TECTA: variants seen among roughly 807,000 people sequenced by gnomAD.
The protein encoded by TECTA is alpha-tectorin.
In TECTA, 128 loss-of-function variants were observed where a neutral mutation model predicts 216.8. The observed-to-expected ratio is 0.59, with a 90% CI of 0.51 to 0.68. The LOEUF is 0.68. Ranked by LOEUF, TECTA falls within the 30% of genes least tolerant of loss-of-function variation. The pLI, the probability that TECTA is intolerant of heterozygous loss-of-function variation, is 0.00. For synonymous variants in TECTA, 1,089 were observed against 1,117.1 expected, an observed-to-expected ratio of 0.97 and a Z score of 0.50; for missense variants, 2,551 against 2,786.2, an observed-to-expected ratio of 0.92 and a Z score of 1.90.
chr11:121,186,094 A>C (rs995294383), intron 20 of TECTA, among the ~76,000 whole-genome samples: 3 of 117,970 alleles, frequency 2.5e-5, no homozygotes, highest in African/African-American at 1.3e-4. Context: ...TCAATGCTTA[A>C]TGAATGAGTA....
intron 11 of TECTA, among the ~76,000 whole-genome samples, chr11:121,139,699 A>AAT (rs906904169): frequency 1.3e-5 from 2 of 152,034 alleles, no homozygotes; most frequent in Non-Finnish European, 2.9e-5. Flanking sequence ...CAAAAAAAAA[A>AAT]AAATAATGAA....
intron 6 of TECTA, among the ~76,000 whole-genome samples, chr11:121,117,336 TTG>T (rs567636245): frequency 2.8e-4 from 42 of 152,148 alleles, no homozygotes; most frequent in Non-Finnish European, 4.9e-4. Flanking sequence ...GATTGCAGAT[TTG>T]TGACTGCTGC....
intron 7 of TECTA, among the ~76,000 whole-genome samples, chr11:121,123,539 C>T (rs141264814): frequency 3.9e-5 from 6 of 152,334 alleles, no homozygotes; most frequent in South Asian, 4.1e-4. Context: ...AATTTCTTCA[C>T]GCTAGCCAGA....
chr11:121,109,249 G>A lies in TECTA; in HGVS notation c.237G>A (p.Val79=), dbSNP rs1293376139. Reference sequence around the variant, plus strand: ...GAGTTGTTTCCTTCAATGTGCTAGTGAGCCAGTTCACGCCAGAATCCTTTC... The same window carrying A: ...GAGTTGTTTCCTTCAATGTGCTAGTAAGCCAGTTCACGCCAGAATCCTTTC... The part of the protein sequence containing the change: ...NNGVVSFNVL[V]SQFTPESFPL... The change falls in exon 4 of 24, where the codon GTG becomes GTA. Residue 79 remains valine (V), a synonymous_variant. Transcript: ENST00000392793. The A allele has an allele frequency of 1.9e-6, 3 of 1,614,158 alleles. No individual in the cohort carries two copies. Among genetic ancestry groups the A allele is most frequent in the Non-Finnish European group, 2.5e-6 (3 of 1,180,016 alleles).
rs1946469660 is a variant in TECTA at position 121,113,832 on chromosome 11, T to C, written c.790+114T>C. 1 of 1,259,552 alleles carries C rather than the reference T, an allele frequency of 7.9e-7. No homozygotes were observed. Among genetic ancestry groups the C allele is most frequent in the Non-Finnish European group, 1.1e-6 (1 of 883,458 alleles). 78.0% of individuals were successfully genotyped at this position (1,259,552 alleles called of 1,614,324 possible). ...CCTGATGCCTTACTCTTTTGACATC[T>C]CTCCGCTGGGTAATGGAGATCAAGG... On this transcript the variant is annotated intron_variant, in intron 6 of 23. Transcript: ENST00000392793. This position sits in a 1 kb window ranked among gnomAD's most constrained non-coding sequence, Gnocchi z 4.2.
At chr11:121,175,451 C>A (rs991140612) in intron 20 of TECTA, among the ~76,000 whole-genome samples, 2 of 152,116 alleles carry the variant, frequency 1.3e-5, no homozygotes, top group Admixed American at 1.3e-4. Flanking sequence ...TCGTTTTGTA[C>A]CCATAGTCGT....
rs563226845 is a variant in TECTA, at chr11:121,132,387, G to A, written c.2941+2176G>A. On this transcript the variant is annotated intron_variant, in intron 10 of 23. Transcript: ENST00000392793. The stretch of plus-strand genomic sequence containing the variant: ...TCATTCGTTGCTTTCCACGAGGCAC[G>A]ATGTACTCCGGGCTCATCTTGTACT... Among the ~76,000 whole-genome samples, 8 of 152,318 alleles carry A rather than the reference G, an allele frequency of 5.3e-5. No individual in the cohort carries two copies. In the East Asian group the frequency reaches 1.3e-3, roughly 26 times the overall value.
chr11:121,187,608 A>G (rs976566361), intron 20 of TECTA, among the ~76,000 whole-genome samples: 2 of 152,322 alleles, frequency 1.3e-5, no homozygotes, highest in Middle Eastern at 6.8e-3. Context: ...CAGTTAGGAT[A>G]CTAATTCAAG....
At position 121,113,927 on chromosome 11, in the gene TECTA, G is replaced by T. The variant is rs1243773348; in HGVS notation, c.790+209G>T. Among the ~76,000 whole-genome samples, 1 of 152,172 alleles carries T rather than the reference G, an allele frequency of 6.6e-6. No individual in the cohort carries two copies. The highest frequency in any genetic ancestry group is 2.4e-5 in the African/African-American group (1 of 41,442). On this transcript the variant is annotated intron_variant, in intron 6 of 23. Coordinates refer to ENST00000392793, the MANE Select transcript of TECTA (RefSeq NM_005422.4). This position sits in a 1 kb window ranked among gnomAD's most constrained non-coding sequence, Gnocchi z 4.2. The stretch of plus-strand genomic sequence containing the variant: ...CATTCACTACCTTGTGGCTTTGGAA[G>T]TCCTTTTCTGGAGTGTGCACACAGT...
intron 20 of TECTA, among the ~76,000 whole-genome samples, chr11:121,181,450 A>AATAATTATTATTATTATTATTATTATT (rs139722330): frequency 6.7e-6 from 1 of 148,216 alleles, no homozygotes; most frequent in African/African-American, 2.5e-5. Flanking sequence ...GTTGCTGGAG[A>AATAATTATTATTATTATTATTATTATT]ATTATTATTA....
rs140608882 is a variant in TECTA, at chr11:121,187,994, C to T, written c.6162C>T (p.Ile2054=). The T allele has an allele frequency of 2.4e-4, 381 of 1,614,072 alleles. 2 individuals carry two copies. The highest frequency in any genetic ancestry group is 1.5e-3 in the South Asian group (140 of 91,076). Residue 2054 remains isoleucine (I), a splice_region_variant and synonymous_variant, in exon 21 of 24, where the codon ATC becomes ATT. Coordinates refer to ENST00000392793, the MANE Select transcript of TECTA (RefSeq NM_005422.4). ...LCDSEKYSCK[I]TCPHNSRIAT... is the part of the protein sequence containing the mutation. Reference sequence around the variant, plus strand: ...ACTCAGAAAAGTACTCCTGTAAAATCGTAAGTGAGAGTGTGAAAACAAAGT... The same window carrying T: ...ACTCAGAAAAGTACTCCTGTAAAATTGTAAGTGAGAGTGTGAAAACAAAGT...
At position 121,137,921 on chromosome 11, in the gene TECTA, G is replaced by A; in HGVS notation, c.3442G>A (p.Glu1148Lys). The stretch of plus-strand genomic sequence containing the variant: ...CAAGTTTGTTGTCACAGCCAAGAAT[G>A]AGGACCGGGACCCGTCACTGGCCTT... ...FPKFVVTAKNEDRDPSLALWV... is the reference protein window; with the variant it reads ...FPKFVVTAKNKDRDPSLALWV... The change falls in exon 11 of 24, where the codon GAG becomes AAG. Residue 1148 changes from glutamate (E) to lysine (K), a missense_variant. By Grantham distance (56) the Glu-to-Lys change is moderately conservative (BLOSUM62 1). Around this residue, in one of 3 missense-constraint regions of TECTA, gnomAD observed 2,375 missense variants for 2,563.9 expected, o/e 0.93. Coordinates refer to ENST00000392793, the MANE Select transcript of TECTA (RefSeq NM_005422.4). The A allele has an allele frequency of 6.2e-7, 1 of 1,604,652 alleles. No homozygotes were observed. The highest frequency in any genetic ancestry group is 8.5e-7 in the Non-Finnish European group (1 of 1,172,220).
chr11:121,125,751 G>C lies in TECTA; in HGVS notation c.1653G>C (p.Val551=), dbSNP rs763090615. Residue 551 remains valine, a synonymous_variant, in exon 8 of 24, where the codon GTG becomes GTC. Transcript: ENST00000392793. ...CCACTGCTTTTGTGCACAGCTGCGTGTATGACCTGTGCAGTGTGAGGGACA... is the reference window on the plus strand; with the variant it reads ...CCACTGCTTTTGTGCACAGCTGCGTCTATGACCTGTGCAGTGTGAGGGACA... ...VDPTAFVHSC[V]YDLCSVRDNG... The C allele has an allele frequency of 2.7e-5, 43 of 1,614,106 alleles. No homozygotes were observed. Among genetic ancestry groups the C allele is most frequent in the Non-Finnish European group, 3.4e-5 (40 of 1,180,054 alleles).
chr11:121,136,838 C>T (rs2135094558), intron 10 of TECTA, among the ~76,000 whole-genome samples: 1 of 152,128 alleles, frequency 6.6e-6, no homozygotes. Context: ...ACTTCAGTTT[C>T]CTCACCTGTA....
chr11:121,186,627 G>A (rs185961616), intron 20 of TECTA, among the ~76,000 whole-genome samples: 1 of 152,340 alleles, frequency 6.6e-6, no homozygotes, highest in Admixed American at 6.5e-5. Flanking sequence ...AGTATGGCAT[G>A]TAAGTTTTTG....
At chr11:121,152,306 GC>G (rs1241363882) in intron 12 of TECTA, among the ~76,000 whole-genome samples, 1 of 152,252 alleles carries the variant, frequency 6.6e-6, no homozygotes, top group Non-Finnish European at 1.5e-5. Flanking sequence ...AGATCATGGG[GC>G]TGAGGCATCT....
chr11:121,145,820 G>T lies in TECTA; in HGVS notation c.3809G>T (p.Trp1270Leu), dbSNP rs1946829900. Residue 1270 changes from tryptophan to leucine, a missense_variant, in exon 12 of 24, where the codon TGG becomes TTG. By Grantham distance (61) the Trp-to-Leu change is moderately conservative. Coordinates refer to ENST00000392793, the MANE Select transcript of TECTA (RefSeq NM_005422.4). ...AGTGTCAATGAGTTTGGGCAGAGCT[G>T]GGTGAAGAGGGACACCTTCTGCCAG... ...ASSVNEFGQS[W>L]VKRDTFCQVG... is the part of the protein sequence containing the mutation. 1.2e-6 allele frequency: 2 copies of T among 1,614,104 alleles called. No homozygotes were observed. Among genetic ancestry groups the T allele is most frequent in the African/African-American group, 2.7e-5 (2 of 74,920 alleles).
At chr11:121,161,014 G>A (rs983039688) in intron 15 of TECTA, among the ~76,000 whole-genome samples, 6 of 152,358 alleles carry the variant, frequency 3.9e-5, no homozygotes, top group African/African-American at 1.4e-4. Flanking sequence ...TGAATATGTG[G>A]ATACCTTTCT....
At chr11:121,135,962 C>CTT (rs5795262) in intron 10 of TECTA, among the ~76,000 whole-genome samples, 6,639 of 147,844 alleles carry the variant, frequency 0.045, 500 homozygotes, top group African/African-American at 0.16. Flanking sequence ...ATTTTATGTG[C>CTT]TTTTTTTTTT....
Sources: gnomAD v4.1 joint callset for allele counts (sites outside exome capture counted in the v4.1 genomes callset) on GRCh38, gnomAD v4.1.1 for gene constraint, gnomAD v4.1.1 regional missense constraint, Gnocchi (gnomAD v3.1) non-coding constraint, MANE v1.5 for transcripts, NCBI Gene and HGNC (gene_info 2026-07-23, HGNC 2026-07-21) for gene names.